The following TRUB1 variants were observed in gnomAD, a reference collection of about 807,000 sequenced individuals.
TRUB1 encodes TruB pseudouridine synthase family member 1.
In TRUB1, 23 loss-of-function variants were observed where a neutral mutation model predicts 33.9. The ratio of observed to expected loss-of-function variants is 0.68; its 90% CI spans 0.49 to 0.96. The LOEUF (loss-of-function observed/expected upper bound fraction) is 0.96, where lower values mean the gene tolerates loss of function less well. Ranked by LOEUF, TRUB1 falls within the 40% of genes least tolerant of loss-of-function variation. The probability of loss-of-function intolerance (pLI) is 0.00; values close to 1 mark genes in which losing one functional copy is unlikely to be tolerated. For missense variants in TRUB1, 378 were observed against 422.2 expected (o/e 0.90, Z 0.92); for synonymous variants, 163 against 165.4 (o/e 0.99, Z 0.11).
At chr10:114,960,376 C>T (rs2143021987) in intron 4 of TRUB1, among the ~76,000 whole-genome samples, 1 of 152,254 alleles carries the variant, frequency 6.6e-6, no homozygotes, top group South Asian at 2.1e-4. Flanking sequence ...TAAATGGTCT[C>T]CTAGCAACTC....
At chr10:114,960,903 T>A (rs2084282386) in intron 4 of TRUB1, among the ~76,000 whole-genome samples, 1 of 152,110 alleles carries the variant, frequency 6.6e-6, no homozygotes, top group South Asian at 2.1e-4. Flanking sequence ...TTAAGTCTCC[T>A]GTATCTCTGA....
At chr10:114,954,057 A>G (rs2084250012) in intron 3 of TRUB1, among the ~76,000 whole-genome samples, 12 of 134,982 alleles carry the variant, frequency 8.9e-5, no homozygotes, top group Admixed American at 7.2e-4. Flanking sequence ...TTTTCCTTCT[A>G]TTTCATTAAA....
At chr10:114,938,624 A>G in intron 1 of TRUB1, 85 bp downstream of exon 1, 1 of 1,365,332 alleles carries the variant, frequency 7.3e-7, no homozygotes, top group Non-Finnish European at 9.8e-7. Flanking sequence ...CTCGTGATTC[A>G]AGAGACAAAA....
chr10:114,958,793 C>T lies in TRUB1; in HGVS notation c.442-933C>T, dbSNP rs12251178. On this transcript the variant is annotated intron_variant, in intron 3 of 7. Coordinates refer to ENST00000298746, the MANE Select transcript of TRUB1 (RefSeq NM_139169.5). ...GTGAATAAAGATCAGTTCTTAGAAA[C>T]GATTCTTGTTCCTGAGATCTTAAGT... Among the ~76,000 whole-genome samples the T allele has an allele frequency of 3.3e-3, 507 of 152,266 alleles. 6 individuals are homozygous for T. The highest frequency in any genetic ancestry group is 0.011 in the African/African-American group (471 of 41,540).
intron 3 of TRUB1, among the ~76,000 whole-genome samples, chr10:114,958,599 A>G (rs1278069764): frequency 6.6e-6 from 1 of 152,214 alleles, no homozygotes; most frequent in East Asian, 1.9e-4. Flanking sequence ...ATAAATACAG[A>G]TTATTTTCAG....
Position 114,972,234 on chromosome 10 carries a change from T to C in TRUB1, c.696T>C (p.Ser232=). The C allele has an allele frequency of 1.2e-6, 2 of 1,609,158 alleles. No individual in the cohort carries two copies. The highest frequency in any genetic ancestry group is 1.7e-5 in the Admixed American group (1 of 58,322). ...AKPARPVTVY[S]ISLQKFQPPF... Reference sequence around the variant, plus strand: ...CTGCCAGGCCAGTGACTGTATACAGTATCTCCCTTCAAAAATTCCAGCCAC... The same window carrying C: ...CTGCCAGGCCAGTGACTGTATACAGCATCTCCCTTCAAAAATTCCAGCCAC... Residue 232 remains serine, a synonymous_variant, in exon 6 of 8, where the codon AGT becomes AGC. Coordinates refer to ENST00000298746, the MANE Select transcript of TRUB1 (RefSeq NM_139169.5).
chr10:114,969,276 T>A (rs1298637253), intron 4 of TRUB1, among the ~76,000 whole-genome samples: 1 of 151,334 alleles, frequency 6.6e-6, no homozygotes, highest in African/African-American at 2.4e-5. Flanking sequence ...TACTAAAAAA[T>A]ACAAAAAGTA....
At chr10:114,952,729 G>C (rs1043507204) in intron 3 of TRUB1, among the ~76,000 whole-genome samples, 2 of 152,174 alleles carry the variant, frequency 1.3e-5, no homozygotes, top group African/African-American at 4.8e-5. Flanking sequence ...AAATTACAGA[G>C]TATAAAAATT....
intron 4 of TRUB1, among the ~76,000 whole-genome samples, chr10:114,963,284 C>A (rs1438449558): frequency 6.6e-6 from 1 of 152,198 alleles, no homozygotes; most frequent in African/African-American, 2.4e-5. Flanking sequence ...ATGGTACTGT[C>A]TCCTCTTGGA....
rs981865446 is a variant in TRUB1 at position 114,977,451 on chromosome 10, A to C, written c.*2072A>C. On this transcript the variant is annotated 3_prime_UTR_variant, in exon 8 of 8. Transcript: ENST00000298746. The stretch of plus-strand genomic sequence containing the variant: ...ATTATGATAAATTCCTGGGAGGGGG[A>C]TTATTTAGTGAAATAATATGAAGAA... 4.0e-5 allele frequency: 6 copies of C among 151,478 alleles called. No individual in the cohort carries two copies. Among genetic ancestry groups the C allele is most frequent in the African/African-American group, 1.5e-4 (6 of 41,278 alleles). The allele number at this position is 151,478 out of a possible 1,614,324, so 9.4% of individuals were successfully genotyped here. A position where few individuals can be genotyped will look rare whatever the true frequency, so the allele number is the denominator to read the frequency against.
At position 114,967,831 on chromosome 10, in the gene TRUB1, C is replaced by G. The variant is rs554994221; in HGVS notation, c.524-2537C>G. 1.3e-4 allele frequency among the ~76,000 whole-genome samples: 20 copies of G among 152,290 alleles called. No homozygotes were observed. In the South Asian group the frequency reaches 3.7e-3, roughly 28 times the overall value. On this transcript the variant is annotated intron_variant, in intron 4 of 7. Coordinates refer to ENST00000298746, the MANE Select transcript of TRUB1 (RefSeq NM_139169.5). ...TTTTAGATATAGCCAGTTTGTACTA[C>G]ATACTCATGTACCACAAGCTTAGAT...
intron 4 of TRUB1, among the ~76,000 whole-genome samples, chr10:114,963,970 T>C (rs1276035428): frequency 6.7e-6 from 1 of 150,314 alleles, no homozygotes; most frequent in Non-Finnish European, 1.5e-5. Context: ...ATAGGTCGTG[T>C]GTGTGTGTGT....
intron 2 of TRUB1, among the ~76,000 whole-genome samples, chr10:114,949,829 C>T (rs1231683266): frequency 6.6e-6 from 1 of 150,670 alleles, no homozygotes; most frequent in African/African-American, 2.4e-5. Context: ...AGATGCTGGA[C>T]AAAGTTCTTA....
intron 4 of TRUB1, among the ~76,000 whole-genome samples, chr10:114,961,355 G>C (rs2084284582): frequency 6.6e-6 from 1 of 152,086 alleles, no homozygotes. Flanking sequence ...TTAGTTGATT[G>C]GACAGGATAG....
chr10:114,970,588 C>G (rs977943674), intron 5 of TRUB1, 148 bp downstream of exon 5: 1 of 655,724 alleles, frequency 1.5e-6, no homozygotes, highest in Non-Finnish European at 2.7e-6. Flanking sequence ...GAAGGTGAGA[C>G]AGGATGTGGA....
chr10:114,938,270 C>G lies in TRUB1; in HGVS notation c.17C>G (p.Ala6Gly). The G allele has an allele frequency of 1.2e-6, 2 of 1,614,118 alleles. No homozygotes were observed. The highest frequency in any genetic ancestry group is 1.1e-5 in the South Asian group (1 of 91,052). MAASE[A>G]AVVSSPSLKT... Reference sequence around the variant, plus strand: ...TACAAAAGTATGGCCGCTTCTGAGGCGGCGGTGGTGTCTTCGCCGTCTTTG... The same window carrying G: ...TACAAAAGTATGGCCGCTTCTGAGGGGGCGGTGGTGTCTTCGCCGTCTTTG... Residue 6 changes from alanine to glycine, a missense_variant, in exon 1 of 8, where the codon GCG becomes GGG. Transcript: ENST00000298746.
intron 5 of TRUB1, among the ~76,000 whole-genome samples, 194 bp downstream of exon 5, chr10:114,970,634 T>C (rs1390544558): frequency 6.6e-6 from 1 of 152,218 alleles, no homozygotes; most frequent in Non-Finnish European, 1.5e-5. Context: ...GAATGTGGTC[T>C]TCTTTGTTTC....
At chr10:114,971,943 A>G (rs577258111) in intron 5 of TRUB1, among the ~76,000 whole-genome samples, 192 bp from the exon 6 acceptor site, 18 of 152,338 alleles carry the variant, frequency 1.2e-4, no homozygotes, top group Admixed American at 4.6e-4. Flanking sequence ...TAGAAACTCT[A>G]TCCATGACAG....
In TRUB1 at chr10:114,975,252, C is replaced by G. The variant is rs759497067; in HGVS notation, c.923C>G (p.Ser308Ter). The part of the protein sequence containing the change: ...DDIAQSLEHC[S>*]SLFPAELALK... Reference sequence around the variant, plus strand: ...ATTGCACAGTCTCTTGAGCATTGCTCATCTCTTTTCCCAGCAGAGTTGGCA... The same window carrying G: ...ATTGCACAGTCTCTTGAGCATTGCTGATCTCTTTTCCCAGCAGAGTTGGCA... The change falls in exon 8 of 8, where the codon TCA becomes TGA. Residue 308 changes from serine (S) to a stop codon, truncating the protein, a stop_gained. Coordinates refer to ENST00000298746, the MANE Select transcript of TRUB1 (RefSeq NM_139169.5). LOFTEE classifies it high-confidence loss of function. 6.2e-7 allele frequency: 1 copy of G among 1,613,618 alleles called. No individual in the cohort carries two copies. Among genetic ancestry groups the G allele is most frequent in the Non-Finnish European group, 8.5e-7 (1 of 1,179,698 alleles).
Sources: allele counts gnomAD v4.1 joint callset (sites outside exome capture counted in the v4.1 genomes callset), GRCh38; gene constraint gnomAD v4.1.1; transcripts MANE v1.5; gene names NCBI Gene and HGNC (gene_info 2026-07-23, HGNC 2026-07-21).